CUBN: variants seen among roughly 807,000 people sequenced by gnomAD.
The protein encoded by CUBN is cubilin, also known as 460 kDa receptor.
In CUBN, 282 loss-of-function variants were observed where a neutral mutation model predicts 405.3. The observed-to-expected ratio is 0.70, with a 90% CI of 0.63 to 0.77. The LOEUF is 0.77. Among genes scored for constraint, CUBN ranks in the 30% least tolerant of loss-of-function variants. The pLI, the probability that CUBN is intolerant of heterozygous loss-of-function variation, is 0.00. For synonymous variants in CUBN, 1,684 were observed against 1,617.0 expected (o/e 1.04, Z -0.99); for missense variants, 4,514 against 4,475.2 (o/e 1.01, Z -0.25).
chr10:17,102,502 G>A (rs954972747), intron 13 of CUBN, among the ~76,000 whole-genome samples: 1 of 150,842 alleles, frequency 6.6e-6, no homozygotes, highest in African/African-American at 2.4e-5. Context: ...GGCCAGGCTG[G>A]TCTTGAATTC....
chr10:16,856,668 C>T (rs140790873), intron 59 of CUBN, among the ~76,000 whole-genome samples: 63 of 152,246 alleles, frequency 4.1e-4, no homozygotes, highest in African/African-American at 1.3e-3. Flanking sequence ...ACATTCTATA[C>T]GGCTGACATT....
intron 10 of CUBN, among the ~76,000 whole-genome samples, chr10:17,107,034 C>A (rs531515003): frequency 6.6e-6 from 1 of 152,198 alleles, no homozygotes; most frequent in East Asian, 1.9e-4. Flanking sequence ...CAATGGCAAT[C>A]GAATTAGGTT....
chr10:16,992,885 C>T (rs1180682010), intron 28 of CUBN, among the ~76,000 whole-genome samples: 1 of 152,076 alleles, frequency 6.6e-6, no homozygotes, highest in Non-Finnish European at 1.5e-5. Context: ...ACACAAGTAC[C>T]GTAAAAGATG....
chr10:16,940,544 G>T lies in CUBN; in HGVS notation c.5343-307C>A, dbSNP rs1056198362. ...GTGAGTGCCATCAGAGTTATAAAGTGGCGTTTAAGAATTGCAAAGCAGAGG... is the reference window on the plus strand; with the variant it reads ...GTGAGTGCCATCAGAGTTATAAAGTTGCGTTTAAGAATTGCAAAGCAGAGG... On this transcript the variant is annotated intron_variant, in intron 36 of 66. Transcript: ENST00000377833. Among the ~76,000 whole-genome samples, 4 of 152,176 alleles carry T rather than the reference G, an allele frequency of 2.6e-5. 1 individual carries two copies. The highest frequency in any genetic ancestry group is 5.9e-5 in the Non-Finnish European group (4 of 68,038).
intron 60 of CUBN, among the ~76,000 whole-genome samples, chr10:16,844,602 T>C (rs1337044598): frequency 6.6e-6 from 1 of 152,176 alleles, no homozygotes; most frequent in African/African-American, 2.4e-5. Flanking sequence ...ATGACATACA[T>C]ACCTGGCCCC....
In CUBN at chr10:16,912,201, C is replaced by T. The variant is rs1250626726; in HGVS notation, c.7533+1610G>A. Among the ~76,000 whole-genome samples the T allele has an allele frequency of 7.9e-5, 12 of 152,212 alleles. No individual in the cohort carries two copies. In the East Asian group the frequency reaches 1.7e-3, roughly 22 times the overall value. The stretch of plus-strand genomic sequence containing the variant: ...CTGAAGGTTGAATAAGATCATTTTA[C>T]GGCAATACAAAGTGGTCATAAGATA... On this transcript the variant is annotated intron_variant, in intron 48 of 66. Coordinates refer to ENST00000377833, the MANE Select transcript of CUBN (RefSeq NM_001081.4).
intron 46 of CUBN, among the ~76,000 whole-genome samples, 191 bp downstream of exon 46, chr10:16,915,630 G>C (rs1157345974): frequency 6.6e-6 from 1 of 152,172 alleles, no homozygotes; most frequent in African/African-American, 2.4e-5. Flanking sequence ...TGACACCTGG[G>C]CTCTGGGCAT....
chr10:17,109,514 A>G (rs1836717825), intron 10 of CUBN, 126 bp downstream of exon 10: 5 of 761,538 alleles, frequency 6.6e-6, no homozygotes, highest in Non-Finnish European at 9.3e-6. Context: ...TATGGCATGG[A>G]TTAATTTTAG....
chr10:16,862,160 T>TCTCTCTCTCACACACACACA (rs144560387), intron 59 of CUBN, among the ~76,000 whole-genome samples: 21 of 131,204 alleles, frequency 1.6e-4, no homozygotes, highest in African/African-American at 6.5e-4. Context: ...TCTCTCTCTC[T>TCTCTCTCTCACACACACACA]CACACACACA....
chr10:16,886,308 T>G (rs776475527), intron 56 of CUBN, among the ~76,000 whole-genome samples: 9 of 152,196 alleles, frequency 5.9e-5, no homozygotes, highest in Non-Finnish European at 1.2e-4. Flanking sequence ...GACATGTCAT[T>G]TTTATAAACC....
intron 36 of CUBN, among the ~76,000 whole-genome samples, chr10:16,944,665 C>T (rs1331778360): frequency 6.6e-6 from 1 of 152,134 alleles, no homozygotes; most frequent in Non-Finnish European, 1.5e-5. Context: ...AAAACTCAAG[C>T]AAGTAACTCA....
chr10:17,105,375 C>T (rs1049282013), intron 11 of CUBN, 82 bp downstream of exon 11: 1 of 860,944 alleles, frequency 1.2e-6, no homozygotes, highest in Admixed American at 1.7e-5. Context: ...CTTGACATTC[C>T]TGAATCCTAT....
At chr10:16,831,130 T>C (rs879004729) in intron 65 of CUBN, 122 bp downstream of exon 65, 5 of 865,614 alleles carry the variant, frequency 5.8e-6, no homozygotes, top group Non-Finnish European at 9.6e-6. Context: ...AAAATCTCTA[T>C]TCTTAACATA....
chr10:16,888,126 C>A (rs1436277470), intron 56 of CUBN, among the ~76,000 whole-genome samples: 1 of 152,132 alleles, frequency 6.6e-6, no homozygotes, highest in African/African-American at 2.4e-5. Context: ...TACAAAATTT[C>A]AGCTAGGAGG....
rs374802612 is a variant in CUBN, at chr10:17,129,697, G to A, written c.69C>T (p.Gly23=). 43 of 1,613,828 alleles carry A rather than the reference G, an allele frequency of 2.7e-5. No homozygotes were observed. Among genetic ancestry groups the A allele is most frequent in the East Asian group, 2.0e-4 (9 of 44,886 alleles). The change falls in exon 1 of 67, where the codon GGC becomes GGT. Residue 23 remains glycine, a synonymous_variant. Transcript: ENST00000377833. ...TCTGCAGCTCAAGTTCTCCAGCTTCGCCATTTACTTCAGCAAATATTAATA... is the reference window on the plus strand; with the variant it reads ...TCTGCAGCTCAAGTTCTCCAGCTTCACCATTTACTTCAGCAAATATTAATA... ...LTLLIFAEVN[G]EAGELELQRQ...
chr10:16,861,057 A>T (rs1839997642), intron 59 of CUBN, among the ~76,000 whole-genome samples: 1 of 151,990 alleles, frequency 6.6e-6, no homozygotes, highest in South Asian at 2.1e-4. Flanking sequence ...TATGCCCCAA[A>T]GCATTACCAA....
intron 5 of CUBN, 108 bp downstream of exon 5, chr10:17,123,480 C>T: frequency 2.2e-6 from 2 of 893,224 alleles, no homozygotes; most frequent in Non-Finnish European, 3.7e-6. Flanking sequence ...TTTGGGAGGC[C>T]ACAGAATCCT....
chr10:17,124,521 T>C (rs7097595), intron 4 of CUBN, among the ~76,000 whole-genome samples: 144,334 of 151,736 alleles, frequency 0.95, 68,659 homozygotes, highest in Non-Finnish European at 0.96. Flanking sequence ...CGCTGCCTCC[T>C]GGGTCCATGC....
At chr10:17,101,845 A>G (rs754862744) in intron 13 of CUBN, among the ~76,000 whole-genome samples, 3 of 152,156 alleles carry the variant, frequency 2.0e-5, no homozygotes, top group Non-Finnish European at 2.9e-5. Flanking sequence ...CTGTTTCCTC[A>G]TGTGTAAAAT....
Sources: gnomAD v4.1 joint callset for allele counts (sites outside exome capture counted in the v4.1 genomes callset) on GRCh38, gnomAD v4.1.1 for gene constraint, MANE v1.5 for transcripts, NCBI Gene and HGNC (gene_info 2026-07-23, HGNC 2026-07-21) for gene names.